The following IL1RAPL2 variants were observed in gnomAD, a reference collection of about 807,000 sequenced individuals.
The protein encoded by IL1RAPL2 is X-linked interleukin-1 receptor accessory protein-like 2.
A neutral mutation model predicts 44.1 loss-of-function variants in IL1RAPL2; 3 were observed. That is an observed-to-expected ratio of 0.07 (90% CI 0.03 to 0.18). The LOEUF (loss-of-function observed/expected upper bound fraction) is 0.18, where lower values mean the gene tolerates loss of function less well. Ranked by LOEUF, IL1RAPL2 falls within the 10% of genes least tolerant of loss-of-function variation. IL1RAPL2 has a pLI of 1.00. For synonymous variants in IL1RAPL2, 181 were observed against 178.8 expected (o/e 1.01, Z -0.10); for missense variants, 391 against 496.4 (o/e 0.79, Z 2.02).
intron 1 of IL1RAPL2, among the ~76,000 whole-genome samples, chrX:104,655,346 A>T: frequency 9.0e-6 from 1 of 111,632 alleles, no homozygotes; most frequent in Non-Finnish European, 1.9e-5. Flanking sequence ...GATATATTCC[A>T]TCAATACCTA....
chrX:105,315,758 G>T (rs1320461262), intron 5 of IL1RAPL2, among the ~76,000 whole-genome samples: 1 of 102,303 alleles, frequency 9.8e-6, no homozygotes, highest in Admixed American at 1.1e-4. Flanking sequence ...AAAGATGTAG[G>T]CTGGGAGGCT....
In IL1RAPL2 at chrX:104,760,001, A is replaced by G. The variant is rs760390847; in HGVS notation, c.82+101006A>G. Among the ~76,000 whole-genome samples, 9 of 111,698 alleles carry G rather than the reference A, an allele frequency of 8.1e-5. No homozygotes were observed. In the South Asian group the frequency reaches 2.3e-3, roughly 28 times the overall value. On this transcript the variant is annotated intron_variant, in intron 2 of 10. Coordinates refer to ENST00000372582, the MANE Select transcript of IL1RAPL2 (RefSeq NM_017416.2). ...ACCACCTTTCTATGTCCATGAGGAC[A>G]ATGGTTTTGATTTTTAGATCCCACA...
At chrX:105,043,291 C>T (rs887370382) in intron 2 of IL1RAPL2, among the ~76,000 whole-genome samples, 10 of 110,665 alleles carry the variant, frequency 9.0e-5, no homozygotes, top group Non-Finnish European at 1.9e-4. Flanking sequence ...GGCAGACTAG[C>T]CAGGGGCTCT....
rs2036553859 is a variant in IL1RAPL2, at chrX:105,521,096, G to A, written c.772+36709G>A. On this transcript the variant is annotated intron_variant, in intron 6 of 10. Transcript: ENST00000372582. ...ACTACAGGCGCCTGCCACCAAGCCC[G>A]GCTAATTTTTTTTTTTTTTTTGTAT... 3.9e-5 allele frequency among the ~76,000 whole-genome samples: 4 copies of A among 101,961 alleles called. No homozygotes were observed. The South Asian group carries it at 2.0e-3, about 50-fold the overall frequency. 88.5% of individuals were successfully genotyped at this position (101,961 alleles called of 115,157 possible).
chrX:104,917,071 A>T (rs1327168024), intron 2 of IL1RAPL2, among the ~76,000 whole-genome samples: 1 of 111,747 alleles, frequency 8.9e-6, no homozygotes, highest in Non-Finnish European at 1.9e-5. Context: ...TATCAGGATG[A>T]TGCTGGCCTC....
chrX:105,125,602 A>T (rs2032967103), intron 2 of IL1RAPL2, among the ~76,000 whole-genome samples: 1 of 111,812 alleles, frequency 8.9e-6, no homozygotes, highest in Non-Finnish European at 1.9e-5. Flanking sequence ...TTTAAGAAAT[A>T]GGTAATAATT....
intron 2 of IL1RAPL2, among the ~76,000 whole-genome samples, chrX:104,728,661 G>T (rs2147569568): frequency 9.0e-6 from 1 of 111,449 alleles, no homozygotes; most frequent in African/African-American, 3.3e-5. Flanking sequence ...AGGATGTCAT[G>T]TGAAGATTGG....
intron 2 of IL1RAPL2, among the ~76,000 whole-genome samples, chrX:105,068,878 G>A (rs1340231087): frequency 8.9e-6 from 1 of 111,811 alleles, no homozygotes; most frequent in Admixed American, 9.5e-5. Context: ...TCATTTTGAG[G>A]CTATTGAAGC....
chrX:105,341,144 G>T, intron 5 of IL1RAPL2, among the ~76,000 whole-genome samples: 1 of 111,388 alleles, frequency 9.0e-6, no homozygotes, highest in East Asian at 2.8e-4. Flanking sequence ...TTTGTGTATT[G>T]TTTCCTTTAG....
At chrX:104,754,618 C>T (rs1932313857) in intron 2 of IL1RAPL2, among the ~76,000 whole-genome samples, 1 of 111,361 alleles carries the variant, frequency 9.0e-6, no homozygotes, top group East Asian at 2.8e-4. Flanking sequence ...GATGATTACT[C>T]CCATTACGAT....
At chrX:105,306,076 A>G (rs2034734992) in intron 5 of IL1RAPL2, among the ~76,000 whole-genome samples, 1 of 111,848 alleles carries the variant, frequency 8.9e-6, no homozygotes, top group African/African-American at 3.2e-5. Context: ...ACACCTAAAT[A>G]CCATTCATGA....
intron 2 of IL1RAPL2, among the ~76,000 whole-genome samples, chrX:104,741,145 A>G (rs1232586643): frequency 9.0e-6 from 1 of 111,631 alleles, no homozygotes; most frequent in Non-Finnish European, 1.9e-5. Context: ...TGGTGCAACT[A>G]ATCACATTAT....
chrX:104,603,731 AAAGAG>A (rs1389200284), intron 1 of IL1RAPL2, among the ~76,000 whole-genome samples: 4 of 111,974 alleles, frequency 3.6e-5, no homozygotes, highest in African/African-American at 1.3e-4. Flanking sequence ...CTAATGAAAT[AAAGAG>A]AAAAGACAAG....
In IL1RAPL2 at chrX:104,730,312, T is replaced by C. The variant is rs994691913; in HGVS notation, c.82+71317T>C. On this transcript the variant is annotated intron_variant, in intron 2 of 10. Coordinates refer to ENST00000372582, the MANE Select transcript of IL1RAPL2 (RefSeq NM_017416.2). ...TATGTATACATGTGCCATGCTGGTG[T>C]GCTGCACCCATTAACTCGTCATTTA... 2.1e-3 allele frequency among the ~76,000 whole-genome samples: 216 copies of C among 102,828 alleles called. 1 individual carries two copies. Among genetic ancestry groups the C allele is most frequent in the Admixed American group, 3.8e-3 (36 of 9,433 alleles). 89.3% of individuals were successfully genotyped at this position (102,828 alleles called of 115,157 possible).
intron 5 of IL1RAPL2, among the ~76,000 whole-genome samples, chrX:105,303,463 CA>C (rs1013741941): frequency 8.9e-6 from 1 of 111,878 alleles, no homozygotes; most frequent in Non-Finnish European, 1.9e-5. Context: ...TTATAAGACA[CA>C]AGGGATCCAA....
intron 5 of IL1RAPL2, among the ~76,000 whole-genome samples, chrX:105,456,298 T>C (rs2036054748): frequency 8.9e-6 from 1 of 111,774 alleles, no homozygotes; most frequent in Admixed American, 9.5e-5. Context: ...TCTTCCTGTT[T>C]GGTGCTCTTT....
intron 2 of IL1RAPL2, among the ~76,000 whole-genome samples, chrX:104,743,603 G>A (rs1358197281): frequency 9.0e-6 from 1 of 111,326 alleles, no homozygotes; most frequent in African/African-American, 3.3e-5. Context: ...TACTTCCTGA[G>A]CCTTCTGGAA....
intron 6 of IL1RAPL2, among the ~76,000 whole-genome samples, chrX:105,686,380 C>CAAAA (rs1177667576): frequency 2.1e-3 from 53 of 25,163 alleles, no homozygotes; most frequent in East Asian, 7.3e-3. Context: ...AAATGGAAAG[C>CAAAA]AAAAAAAAAA....
intron 5 of IL1RAPL2, among the ~76,000 whole-genome samples, chrX:105,288,972 G>A (rs775440629): frequency 9.0e-6 from 1 of 111,538 alleles, no homozygotes; most frequent in African/African-American, 3.3e-5. Flanking sequence ...TTCTTGAAAA[G>A]ATAATCTGTG....
Sources: gnomAD v4.1 joint callset for allele counts (sites outside exome capture counted in the v4.1 genomes callset) on GRCh38, gnomAD v4.1.1 for gene constraint, MANE v1.5 for transcripts, NCBI Gene and HGNC (gene_info 2026-07-23, HGNC 2026-07-21) for gene names.